The following LMO1 variants were observed in gnomAD, a reference collection of about 807,000 sequenced individuals.
The protein encoded by LMO1 is LIM domain only 1.
Under a neutral mutation model 18.0 loss-of-function variants are expected in LMO1, and 10 were observed. The observed-to-expected ratio is 0.55, with a 90% CI of 0.34 to 0.94. The LOEUF (loss-of-function observed/expected upper bound fraction) is 0.94, where lower values mean the gene tolerates loss of function less well. Ranked by LOEUF, LMO1 falls within the 40% of genes least tolerant of loss-of-function variation. LMO1 has a pLI of 0.02. For missense variants in LMO1, 183 were observed against 205.7 expected, an observed-to-expected ratio of 0.89 and a Z score of 0.68; for synonymous variants, 77 against 77.9, an observed-to-expected ratio of 0.99 and a Z score of 0.06.
At chr11:8,266,696 C>T (rs1378758311), upstream of LMO1, among the ~76,000 whole-genome samples, 2 of 152,202 alleles carry the variant, frequency 1.3e-5, no homozygotes, top group Non-Finnish European at 2.9e-5. Flanking sequence ...GGAAGAGTTC[C>T]TGCATTAGGA....
chr11:8,261,540 C>T (rs956295787), intron 1 of LMO1, among the ~76,000 whole-genome samples: 1 of 152,174 alleles, frequency 6.6e-6, no homozygotes, highest in Non-Finnish European at 1.5e-5. Flanking sequence ...GTACAGAGCC[C>T]GAGTCTTCTG....
chr11:8,255,040 C>T (rs1483167760), intron 1 of LMO1, among the ~76,000 whole-genome samples: 2 of 152,212 alleles, frequency 1.3e-5, no homozygotes, highest in Non-Finnish European at 2.9e-5. Flanking sequence ...ATTCTCTACC[C>T]TTCCCCACAG....
intron 1 of LMO1, among the ~76,000 whole-genome samples, chr11:8,238,492 AAACCCC>A (rs1952799938): frequency 6.6e-6 from 1 of 152,130 alleles, no homozygotes; most frequent in African/African-American, 2.4e-5. Context: ...TAACACGGTG[AAACCCC>A]GTCTCTACTA....
intron 1 of LMO1, among the ~76,000 whole-genome samples, chr11:8,259,968 C>T (rs1433566395): frequency 1.3e-5 from 2 of 152,124 alleles, no homozygotes; most frequent in East Asian, 1.9e-4. Context: ...CACAACCCGC[C>T]TGCTGCTTCC....
rs12288548 is a variant in LMO1 at position 8,244,977 on chromosome 11, C to T, written c.26-14473G>A. On this transcript the variant is annotated intron_variant, in intron 1 of 3. Coordinates refer to ENST00000335790, the MANE Select transcript of LMO1 (RefSeq NM_002315.3). ...CCACAGTACCCTGCATCCTCTTCAC[C>T]CCTCCTCGTGTGCCCTATAACCTTC... is the stretch of plus-strand genomic sequence containing the variant. Among the ~76,000 whole-genome samples, 791 of 152,326 alleles carry T rather than the reference C, an allele frequency of 5.2e-3. 6 individuals carry two copies. The highest frequency in any genetic ancestry group is 0.018 in the African/African-American group (756 of 41,564).
intron 1 of LMO1, among the ~76,000 whole-genome samples, chr11:8,243,436 G>A (rs1177548145): frequency 6.6e-6 from 1 of 152,198 alleles, no homozygotes; most frequent in Non-Finnish European, 1.5e-5. Context: ...TGTCTCTTCC[G>A]GAAACCTGGT....
intron 1 of LMO1, among the ~76,000 whole-genome samples, chr11:8,262,718 G>A (rs1165397128): frequency 6.6e-6 from 1 of 152,202 alleles, no homozygotes; most frequent in Non-Finnish European, 1.5e-5. Context: ...GAGAGACAGG[G>A]AGCTAGCGGG....
intron 1 of LMO1, among the ~76,000 whole-genome samples, chr11:8,260,585 T>A (rs202110978): frequency 0.035 from 1,412 of 40,912 alleles, 24 homozygotes; most frequent in South Asian, 0.3. Flanking sequence ...CAAAAAAAAA[T>A]TTTTTTTTTC....
chr11:8,246,312 G>A (rs1026895221), intron 1 of LMO1, among the ~76,000 whole-genome samples: 42 of 152,208 alleles, frequency 2.8e-4, no homozygotes, highest in Non-Finnish European at 5.0e-4. Context: ...ATTGACAAAC[G>A]AATAAATAAA....
intron 1 of LMO1, among the ~76,000 whole-genome samples, chr11:8,256,168 A>G (rs1347557293): frequency 1.3e-5 from 2 of 152,214 alleles, no homozygotes; most frequent in African/African-American, 2.4e-5. Flanking sequence ...TGATAGCTAT[A>G]GTGTTTTATG....
chr11:8,259,937 A>G (rs1847158035), intron 1 of LMO1, among the ~76,000 whole-genome samples: 1 of 152,106 alleles, frequency 6.6e-6, no homozygotes, highest in Non-Finnish European at 1.5e-5. Flanking sequence ...TGCCCTAGGA[A>G]TCATGTCTGG....
rs531773134 is a variant in LMO1, at chr11:8,261,117, A to G, written c.25+2221T>C. On this transcript the variant is annotated intron_variant, in intron 1 of 3. Coordinates refer to ENST00000335790, the MANE Select transcript of LMO1 (RefSeq NM_002315.3). ...CATGAGCAGAAACGTCGCTTTTGAA[A>G]GACAGCTATGGGCTGGGTAGGACAA... is the stretch of plus-strand genomic sequence containing the variant. 1.5e-4 allele frequency among the ~76,000 whole-genome samples: 23 copies of G among 152,300 alleles called. No individual in the cohort carries two copies. The South Asian group carries it at 4.8e-3, about 32-fold the overall frequency.
intron 2 of LMO1, among the ~76,000 whole-genome samples, chr11:8,229,447 T>G (rs1277700326): frequency 6.6e-6 from 1 of 152,144 alleles, no homozygotes; most frequent in African/African-American, 2.4e-5. Flanking sequence ...CGATGAGCCC[T>G]CCTTCCCCAC....
chr11:8,249,295 G>A (rs914787616), intron 1 of LMO1, among the ~76,000 whole-genome samples: 6 of 152,146 alleles, frequency 3.9e-5, no homozygotes, highest in African/African-American at 9.7e-5. Flanking sequence ...GTGTGGGGCC[G>A]TCTGAAGCCA....
chr11:8,244,068 G>A (rs894166726), intron 1 of LMO1, among the ~76,000 whole-genome samples: 2 of 152,218 alleles, frequency 1.3e-5, no homozygotes, highest in African/African-American at 4.8e-5. Context: ...AAACATGAAT[G>A]AGTGTGAACC....
Position 8,263,853 on chromosome 11 carries a change from C to G in LMO1, c.-491G>C. On this transcript the variant is annotated 5_prime_UTR_variant, in exon 1 of 4. Transcript: ENST00000335790. ...AGATGGGGGAATCTCGTGGCCGTCT[C>G]CCGCTGCCTTTCTCCCTCAATGTAT... 2.9e-6 allele frequency: 3 copies of G among 1,043,244 alleles called. No homozygotes were observed. Among genetic ancestry groups the G allele is most frequent in the Non-Finnish European group, 3.5e-6 (3 of 867,748 alleles). 64.6% of individuals were successfully genotyped at this position (1,043,244 alleles called of 1,614,324 possible). A position where few individuals can be genotyped will look rare whatever the true frequency, so the allele number is the denominator to read the frequency against.
chr11:8,251,610 A>T (rs563661888), intron 1 of LMO1, among the ~76,000 whole-genome samples: 7 of 151,954 alleles, frequency 4.6e-5, no homozygotes, highest in African/African-American at 1.7e-4. Flanking sequence ...GCCTTGGAAA[A>T]CTGACCATCT....
chr11:8,231,623 A>C (rs956134972), intron 1 of LMO1, among the ~76,000 whole-genome samples: 1 of 152,114 alleles, frequency 6.6e-6, no homozygotes, highest in African/African-American at 2.4e-5. Context: ...GAGCGTGTGC[A>C]TGCTCCGTTC....
intron 1 of LMO1, among the ~76,000 whole-genome samples, chr11:8,261,603 G>T (rs1847187607): frequency 6.6e-6 from 1 of 152,196 alleles, no homozygotes; most frequent in South Asian, 2.1e-4. Flanking sequence ...CTCTGCTAAA[G>T]ATGAACCTTG....
Sources: allele counts gnomAD v4.1 joint callset (sites outside exome capture counted in the v4.1 genomes callset), GRCh38; gene constraint gnomAD v4.1.1; transcripts MANE v1.5; gene names NCBI Gene and HGNC (gene_info 2026-07-23, HGNC 2026-07-21).